The following USH2A variants were observed in gnomAD, a reference collection of about 807,000 sequenced individuals.
USH2A encodes usherin.
Under a neutral mutation model 538.9 loss-of-function variants are expected in USH2A, and 443 were observed. The ratio of observed to expected loss-of-function variants is 0.82; its 90% CI spans 0.76 to 0.89. The LOEUF (loss-of-function observed/expected upper bound fraction) is 0.89. USH2A is among the 40% of genes least tolerant of loss of function. The pLI, the probability that USH2A is intolerant of heterozygous loss-of-function variation, is 0.00. For synonymous variants in USH2A, 2,413 were observed against 2,273.5 expected, an observed-to-expected ratio of 1.06 and a Z score of -1.75; for missense variants, 6,633 against 6,324.8, an observed-to-expected ratio of 1.05 and a Z score of -1.65.
chr1:216,105,027 G>C (rs2102580333), intron 21 of USH2A, among the ~76,000 whole-genome samples: 1 of 152,218 alleles, frequency 6.6e-6, no homozygotes, highest in East Asian at 1.9e-4. Context: ...CTCAAAAGAA[G>C]ACATTTATGC....
rs35866358 is a variant in USH2A, at chr1:216,074,324, TTCTC to T, written c.5573-1028_5573-1025del. Among the ~76,000 whole-genome samples the T allele has an allele frequency of 0.13, 19,728 of 149,118 alleles. 1,372 individuals are homozygous for T. The highest frequency in any genetic ancestry group is 0.19 in the Middle Eastern group (55 of 292). On this transcript the variant is annotated intron_variant, in intron 27 of 71. Transcript: ENST00000307340. ...GTTTGAGATTGCTGTAGCGTGCATG[TTCTC>T]TCTCTCTCTCTCTCTCTCTCTCCGA... is the stretch of plus-strand genomic sequence containing the variant.
intron 3 of USH2A, among the ~76,000 whole-genome samples, chr1:216,385,642 CT>C (rs1270657824): frequency 2.0e-5 from 3 of 152,150 alleles, no homozygotes; most frequent in Non-Finnish European, 2.9e-5. Context: ...TAATAAAAGG[CT>C]GTTTTAATAA....
At chr1:215,862,646 A>G (rs1664350971) in intron 44 of USH2A, among the ~76,000 whole-genome samples, 2 of 152,212 alleles carry the variant, frequency 1.3e-5, no homozygotes, top group South Asian at 2.1e-4. Flanking sequence ...CCCCTTTTAT[A>G]TATTATATAA....
intron 3 of USH2A, among the ~76,000 whole-genome samples, chr1:216,394,962 G>A (rs539903927): frequency 6.6e-6 from 1 of 151,822 alleles, no homozygotes; most frequent in African/African-American, 2.4e-5. Flanking sequence ...TTGTGATCCA[G>A]CCGCCTCGGC....
intron 21 of USH2A, among the ~76,000 whole-genome samples, chr1:216,117,803 C>CATATATATATGTATATATATATACACAG (rs1553303616): frequency 4.0e-5 from 6 of 149,314 alleles, no homozygotes; most frequent in Non-Finnish European, 8.9e-5. Flanking sequence ...CACAGACACA[C>CATATATATATGTATATATATATACACAG]ATATATATAT....
chr1:215,741,494 T>C lies in USH2A; in HGVS notation c.11592A>G (p.Glu3864=), dbSNP rs1416756534. The C allele has an allele frequency of 6.2e-7, 1 of 1,613,836 alleles. No homozygotes were observed. The highest frequency in any genetic ancestry group is 1.3e-5 in the African/African-American group (1 of 74,888). Residue 3864 remains glutamate, a synonymous_variant, in exon 60 of 72, where the codon GAA becomes GAG. Transcript: ENST00000307340. The part of the protein sequence containing the change: ...VSSRMFVKTP[E]AAPMDLNSPV... ...GAGAATTAAGATCCATTGGGGCTGC[T>C]TCAGGTGTTTTGACAAACATCCTAC...
At chr1:216,415,508 C>CTTTTTTTTTTTTTTTTTTTTTTTT (rs71161423) in intron 3 of USH2A, among the ~76,000 whole-genome samples, 2 of 96,908 alleles carry the variant, frequency 2.1e-5, no homozygotes, top group African/African-American at 3.9e-5. Flanking sequence ...CTTCCTGTCA[C>CTTTTTTTTTTTTTTTTTTTTTTTT]TTTTTTTTTT....
At position 216,321,881 on chromosome 1, in the gene USH2A, A is replaced by C; in HGVS notation, c.1644+2T>G. ...GATTTCCATGCATAAAATAGAACTCACATGAAGTCCTTCAGTGAAGCTCTC... is the reference window on the plus strand; with the variant it reads ...GATTTCCATGCATAAAATAGAACTCCCATGAAGTCCTTCAGTGAAGCTCTC... On this transcript the variant is annotated splice_donor_variant, in intron 9 of 71. Coordinates refer to ENST00000307340, the MANE Select transcript of USH2A (RefSeq NM_206933.4). LOFTEE classifies it high-confidence loss of function. The C allele has an allele frequency of 6.2e-7, 1 of 1,613,368 alleles. No homozygotes were observed. Among genetic ancestry groups the C allele is most frequent in the Non-Finnish European group, 8.5e-7 (1 of 1,179,412 alleles).
At chr1:215,742,286 C>A (rs1660327037) in intron 59 of USH2A, among the ~76,000 whole-genome samples, 1 of 152,104 alleles carries the variant, frequency 6.6e-6, no homozygotes. Flanking sequence ...ACATTCAATA[C>A]AGGAGTTTCC....
chr1:216,009,485 G>A (rs1391807962), intron 32 of USH2A, among the ~76,000 whole-genome samples: 1 of 152,040 alleles, frequency 6.6e-6, no homozygotes, highest in Non-Finnish European at 1.5e-5. Context: ...TAGGCAAACG[G>A]TCTGAGGTGC....
At chr1:215,686,781 T>TAAGTATAGAC (rs1658437161) in intron 61 of USH2A, among the ~76,000 whole-genome samples, 1 of 126,882 alleles carries the variant, frequency 7.9e-6, no homozygotes, top group Non-Finnish European at 1.8e-5. Flanking sequence ...TAAGTATAGA[T>TAAGTATAGAC]TGCCATTTGC....
chr1:215,813,258 T>C (rs890817122), intron 49 of USH2A, among the ~76,000 whole-genome samples: 1 of 152,164 alleles, frequency 6.6e-6, no homozygotes, highest in Non-Finnish European at 1.5e-5. Context: ...TTCCTTCCCT[T>C]GCCTGACTTA....
intron 3 of USH2A, among the ~76,000 whole-genome samples, chr1:216,396,675 T>C (rs2039219028): frequency 6.6e-6 from 1 of 152,162 alleles, no homozygotes; most frequent in Non-Finnish European, 1.5e-5. Flanking sequence ...CAAAGAATTA[T>C]GGCAATGACT....
chr1:216,173,890 GAA>G, intron 21 of USH2A: 1 of 887,392 alleles, frequency 1.1e-6, no homozygotes. Context: ...TTTCATTTGA[GAA>G]AAGAGTTTTA....
At chr1:216,275,148 CTT>C (rs553356696) in intron 11 of USH2A, among the ~76,000 whole-genome samples, 1 of 150,670 alleles carries the variant, frequency 6.6e-6, no homozygotes, top group African/African-American at 2.4e-5. Flanking sequence ...CTCTCTCTCT[CTT>C]TTTTTTTGGA....
chr1:215,743,282 T>C lies in USH2A; in HGVS notation c.11443A>G (p.Ser3815Gly), dbSNP rs149527139. Reference protein sequence around the residue: ...VEYNVLLNDGSVTPLAFSVGH... With the variant: ...VEYNVLLNDGGVTPLAFSVGH... ...ACGGAGAAGGCCAGAGGTGTTACAC[T>C]TCCATCATTGAGTAAGACATTGTAC... The change falls in exon 59 of 72, where the codon AGT (serine) becomes GGT (glycine). Residue 3815 changes from serine to glycine, a missense_variant. Ser to Gly is a moderately conservative substitution (Grantham distance 56). Coordinates refer to ENST00000307340, the MANE Select transcript of USH2A (RefSeq NM_206933.4). 1.2e-5 allele frequency: 20 copies of C among 1,610,504 alleles called. No individual in the cohort carries two copies. In the African/African-American group the frequency reaches 2.4e-4, roughly 20 times the overall value.
chr1:215,971,197 G>A (rs1225786008), intron 35 of USH2A, among the ~76,000 whole-genome samples: 2 of 152,110 alleles, frequency 1.3e-5, no homozygotes, highest in East Asian at 1.9e-4. Context: ...AATGTATCAG[G>A]CACTGTTCTA....
chr1:215,840,400 G>A (rs1401746039), intron 46 of USH2A, among the ~76,000 whole-genome samples: 1 of 152,004 alleles, frequency 6.6e-6, no homozygotes, highest in African/African-American at 2.4e-5. Flanking sequence ...ATCAAGTACA[G>A]TATTCCTGGA....
At chr1:216,158,972 A>G (rs1186744864) in intron 21 of USH2A, among the ~76,000 whole-genome samples, 1 of 152,160 alleles carries the variant, frequency 6.6e-6, no homozygotes, top group East Asian at 1.9e-4. Flanking sequence ...TAGTTCTAGT[A>G]AGCATGGTAC....
Sources: allele counts gnomAD v4.1 joint callset (sites outside exome capture counted in the v4.1 genomes callset), GRCh38; gene constraint gnomAD v4.1.1; transcripts MANE v1.5; gene names NCBI Gene and HGNC (gene_info 2026-07-23, HGNC 2026-07-21).